The following FAM210A variants were observed in gnomAD, a reference collection of about 807,000 sequenced individuals.
The protein encoded by FAM210A is mitochondrial inner membrane scaffold 1, also known as family with sequence similarity 210 member A.
In FAM210A, 13 loss-of-function variants were observed where a neutral mutation model predicts 25.3. That is an observed-to-expected ratio of 0.51 (90% CI 0.33 to 0.82). The LOEUF is 0.82. FAM210A is among the 40% of genes least tolerant of loss of function. The pLI is 0.02. For missense variants in FAM210A, 319 were observed against 323.2 expected, an observed-to-expected ratio of 0.99 and a Z score of 0.10; for synonymous variants, 125 against 118.7, an observed-to-expected ratio of 1.05 and a Z score of -0.35.
chr18:13,702,794 C>A (rs939655269), intron 1 of FAM210A, among the ~76,000 whole-genome samples: 2 of 152,140 alleles, frequency 1.3e-5, no homozygotes, highest in African/African-American at 4.8e-5. Flanking sequence ...ATCTTCATAA[C>A]TGTTACCATT....
In FAM210A at chr18:13,663,684, T is replaced by C. The variant is rs1242806417; in HGVS notation, c.*2796A>G. ...ACATGCCTTTAGCCAGGCATGGTGG[T>C]GTGCACCTGTAGTCCCAGCTACTCA... On this transcript the variant is annotated 3_prime_UTR_variant, in exon 4 of 4. Transcript: ENST00000651643. The C allele has an allele frequency of 6.6e-6, 1 of 152,194 alleles. No individual in the cohort carries two copies. Among genetic ancestry groups the C allele is most frequent in the Non-Finnish European group, 1.5e-5 (1 of 68,052 alleles). 9.4% of individuals were successfully genotyped at this position (152,194 alleles called of 1,614,324 possible). A position where few individuals can be genotyped will look rare whatever the true frequency, so the allele number is the denominator to read the frequency against.
Position 13,666,675 on chromosome 18 carries a change from TC to T in FAM210A, c.623del (p.Gly208GlufsTer6). The T allele has an allele frequency of 6.2e-7, 1 of 1,614,114 alleles. No homozygotes were observed. The highest frequency in any genetic ancestry group is 8.5e-7 in the Non-Finnish European group (1 of 1,180,008). On this transcript the variant is annotated frameshift_variant, in exon 4 of 4. Transcript: ENST00000651643. LOFTEE classifies it high-confidence loss of function. Reference sequence around the variant, plus strand: ...GCAGATACTTCACAGTGACAGATGTTCCTCCCAAAGTCACGGTATACCGAGC... The same window carrying T: ...GCAGATACTTCACAGTGACAGATGTTCTCCCAAAGTCACGGTATACCGAGC... ...TPARYTVTLG[G>X]TSVTVKYLRS...
At chr18:13,722,794 T>C (rs2043907301) in intron 1 of FAM210A, among the ~76,000 whole-genome samples, 1 of 152,124 alleles carries the variant, frequency 6.6e-6, no homozygotes, top group African/African-American at 2.4e-5. Context: ...TCAGGTCACT[T>C]ATGTGGAGCT....
Position 13,664,114 on chromosome 18 carries a change from T to C in FAM210A, c.*2366A>G, listed in dbSNP as rs2043381487. 1 of 152,216 alleles carries C rather than the reference T, an allele frequency of 6.6e-6. No individual in the cohort carries two copies. Among genetic ancestry groups the C allele is most frequent in the African/African-American group, 2.4e-5 (1 of 41,458 alleles). 9.4% of individuals were successfully genotyped at this position (152,216 alleles called of 1,614,324 possible). ...CAATATGCTAGCAACAACATTTTTGTAACATTCCTGGTGCCAAGTAATACA... is the reference window on the plus strand; with the variant it reads ...CAATATGCTAGCAACAACATTTTTGCAACATTCCTGGTGCCAAGTAATACA... On this transcript the variant is annotated 3_prime_UTR_variant, in exon 4 of 4. Transcript: ENST00000651643.
At chr18:13,698,872 T>C (rs1208889770) in intron 1 of FAM210A, among the ~76,000 whole-genome samples, 1 of 152,202 alleles carries the variant, frequency 6.6e-6, no homozygotes, top group African/African-American at 2.4e-5. Context: ...CAGTGAGCAC[T>C]GGCATTAAAC....
In FAM210A at chr18:13,664,341, C is replaced by T. The variant is rs751725889; in HGVS notation, c.*2139G>A. 5 of 152,114 alleles carry T rather than the reference C, an allele frequency of 3.3e-5. No homozygotes were observed. Among genetic ancestry groups the T allele is most frequent in the African/African-American group, 4.8e-5 (2 of 41,400 alleles). 9.4% of individuals were successfully genotyped at this position (152,114 alleles called of 1,614,324 possible). A position where few individuals can be genotyped will look rare whatever the true frequency, so the allele number is the denominator to read the frequency against. ...TTAGTAATAAGAACCTCCAATTTAT[C>T]CCCACTGGAAAATATGCAACATGAA... On this transcript the variant is annotated 3_prime_UTR_variant, in exon 4 of 4. Coordinates refer to ENST00000651643, the MANE Select transcript of FAM210A (RefSeq NM_152352.4).
chr18:13,722,122 T>A (rs1020055700), intron 1 of FAM210A, among the ~76,000 whole-genome samples: 5 of 151,980 alleles, frequency 3.3e-5, no homozygotes, highest in African/African-American at 9.7e-5. Context: ...CTTCTGCTTA[T>A]AGAGATCAAG....
intron 1 of FAM210A, among the ~76,000 whole-genome samples, chr18:13,689,262 T>G (rs968465251): frequency 6.6e-6 from 1 of 152,178 alleles, no homozygotes; most frequent in Non-Finnish European, 1.5e-5. Context: ...TAACTTGTGT[T>G]TTTTCTGGGC....
At chr18:13,724,288 C>T (rs1191994855) in intron 1 of FAM210A, among the ~76,000 whole-genome samples, 1 of 152,214 alleles carries the variant, frequency 6.6e-6, no homozygotes, top group African/African-American at 2.4e-5. Context: ...CTAGCCAGCA[C>T]TGTTTCATTA....
intron 1 of FAM210A, among the ~76,000 whole-genome samples, chr18:13,694,777 T>C (rs1427569230): frequency 6.6e-6 from 1 of 152,162 alleles, no homozygotes; most frequent in Non-Finnish European, 1.5e-5. Flanking sequence ...GAAGAAAACC[T>C]AGGCAATGCC....
intron 2 of FAM210A, among the ~76,000 whole-genome samples, chr18:13,672,254 T>C (rs2043449417): frequency 6.6e-6 from 1 of 152,234 alleles, no homozygotes; most frequent in Admixed American, 6.5e-5. Context: ...AGGCAGTTAT[T>C]AGAATAAAAT....
intron 1 of FAM210A, among the ~76,000 whole-genome samples, chr18:13,692,776 T>C (rs1470575583): frequency 6.6e-6 from 1 of 152,172 alleles, no homozygotes; most frequent in Non-Finnish European, 1.5e-5. Context: ...ATACACTAAA[T>C]GCCCACAAGA....
chr18:13,670,688 G>T (rs1324618682), intron 3 of FAM210A, among the ~76,000 whole-genome samples: 1 of 152,088 alleles, frequency 6.6e-6, no homozygotes. Context: ...CATAGGCATA[G>T]AAGCTATCAA....
intron 1 of FAM210A, among the ~76,000 whole-genome samples, chr18:13,716,833 T>C (rs2043865324): frequency 6.6e-6 from 1 of 152,198 alleles, no homozygotes; most frequent in African/African-American, 2.4e-5. Context: ...TCTCCAGCCA[T>C]GCTGAACTGT....
chr18:13,689,356 C>A (rs1275739442), intron 1 of FAM210A, among the ~76,000 whole-genome samples: 1 of 152,124 alleles, frequency 6.6e-6, no homozygotes, highest in African/African-American at 2.4e-5. Context: ...ATCAATGTAA[C>A]CCACCATATC....
At chr18:13,705,713 C>T (rs1012848738) in intron 1 of FAM210A, among the ~76,000 whole-genome samples, 5 of 152,132 alleles carry the variant, frequency 3.3e-5, no homozygotes, top group African/African-American at 7.2e-5. Flanking sequence ...CTCAGGTGAT[C>T]CTCCCACCTC....
At chr18:13,701,863 T>C (rs1311696151) in intron 1 of FAM210A, among the ~76,000 whole-genome samples, 1 of 152,326 alleles carries the variant, frequency 6.6e-6, no homozygotes, top group East Asian at 1.9e-4. Flanking sequence ...TACATTTTAC[T>C]TGAGTAAAGG....
At chr18:13,720,776 T>A (rs1428733758) in intron 1 of FAM210A, among the ~76,000 whole-genome samples, 1 of 152,160 alleles carries the variant, frequency 6.6e-6, no homozygotes, top group African/African-American at 2.4e-5. Flanking sequence ...TGTCTCCAGC[T>A]CTGGGGTTAG....
chr18:13,676,016 C>G (rs1186264830), intron 2 of FAM210A, among the ~76,000 whole-genome samples: 3 of 137,016 alleles, frequency 2.2e-5, no homozygotes, highest in African/African-American at 8.0e-5. Flanking sequence ...TATTAACATT[C>G]CTGAGCCGCT....
Sources: allele counts gnomAD v4.1 joint callset (sites outside exome capture counted in the v4.1 genomes callset), GRCh38; gene constraint gnomAD v4.1.1; transcripts MANE v1.5; gene names NCBI Gene and HGNC (gene_info 2026-07-23, HGNC 2026-07-21).